MBOAT1: variants seen among roughly 807,000 people sequenced by gnomAD.
The protein encoded by MBOAT1 is membrane bound glycerophospholipid O-acyltransferase 1, also known as membrane-bound glycerophospholipid O-acyltransferase 1.
Under a neutral mutation model 64.4 loss-of-function variants are expected in MBOAT1, and 67 were observed. The ratio of observed to expected loss-of-function variants is 1.04; its 90% confidence interval spans 0.85 to 1.27. The LOEUF (loss-of-function observed/expected upper bound fraction) is 1.27, where lower values mean the gene tolerates loss of function less well. Ranked by LOEUF, MBOAT1 falls within the 50% of genes most tolerant of loss-of-function variation. MBOAT1 has a pLI of 0.00. For synonymous variants in MBOAT1, 229 were observed against 218.9 expected, an observed-to-expected ratio of 1.05 and a Z score of -0.41; for missense variants, 563 against 604.6, an observed-to-expected ratio of 0.93 and a Z score of 0.72.
At chr6:20,184,355 G>A (rs1036091199) in intron 1 of MBOAT1, among the ~76,000 whole-genome samples, 3 of 152,114 alleles carry the variant, frequency 2.0e-5, no homozygotes, top group African/African-American at 4.8e-5. Context: ...GGGGACAGGT[G>A]GAGGACGGGA....
chr6:20,107,959 G>A (rs967656187), intron 12 of MBOAT1, among the ~76,000 whole-genome samples: 1 of 152,164 alleles, frequency 6.6e-6, no homozygotes, highest in African/African-American at 2.4e-5. Flanking sequence ...AAGGGCAAAT[G>A]TTGGCTTGAG....
intron 1 of MBOAT1, 89 bp downstream of exon 1, chr6:20,212,047 G>A: frequency 8.7e-7 from 1 of 1,154,444 alleles, no homozygotes; most frequent in Non-Finnish European, 1.3e-6. Context: ...ACGCCATGGA[G>A]GCGGAGGGAC....
intron 9 of MBOAT1, 30 bp downstream of exon 9, chr6:20,118,407 T>C (rs370702466): frequency 6.5e-7 from 1 of 1,533,128 alleles, no homozygotes; most frequent in South Asian, 1.1e-5. Flanking sequence ...TTCTTCACTA[T>C]GGAAGTTGGA....
chr6:20,181,461 G>A lies in MBOAT1; in HGVS notation c.100-28692C>T, dbSNP rs140447847. ...TCTATTTTCTCCTGCTGGCCTTTGC[G>A]TCCATCTGTTTTCTTCTTTCTTGAA... On this transcript the variant is annotated intron_variant, in intron 1 of 12. Transcript: ENST00000324607. Among the ~76,000 whole-genome samples, 103 of 151,728 alleles carry A rather than the reference G, an allele frequency of 6.8e-4. 1 individual carries two copies. In the East Asian group the frequency reaches 8.0e-3, roughly 12 times the overall value.
intron 1 of MBOAT1, among the ~76,000 whole-genome samples, chr6:20,198,544 T>C (rs1022979976): frequency 3.3e-5 from 5 of 152,248 alleles, no homozygotes; most frequent in Non-Finnish European, 5.9e-5. Context: ...TTGTGACTTT[T>C]CTTAGTCAAT....
At chr6:20,131,029 TA>T in intron 5 of MBOAT1, 114 bp downstream of exon 5, 1 of 912,790 alleles carries the variant, frequency 1.1e-6, no homozygotes, top group East Asian at 2.5e-5. Flanking sequence ...TTGAACAAGA[TA>T]AAGCAAGATC....
intron 11 of MBOAT1, 39 bp from the exon 12 acceptor site, chr6:20,109,788 G>A: frequency 6.3e-7 from 1 of 1,582,184 alleles, no homozygotes; most frequent in Non-Finnish European, 8.6e-7. Flanking sequence ...AGGAGGGGGT[G>A]AAAAACAAAT....
chr6:20,177,318 G>A (rs1188310801), intron 1 of MBOAT1, among the ~76,000 whole-genome samples: 3 of 152,088 alleles, frequency 2.0e-5, no homozygotes, highest in Non-Finnish European at 2.9e-5. Context: ...CCGCAGATAC[G>A]GACAATAAAG....
intron 4 of MBOAT1, among the ~76,000 whole-genome samples, chr6:20,133,179 G>A (rs1038608104): frequency 2.0e-5 from 3 of 152,186 alleles, no homozygotes; most frequent in African/African-American, 7.2e-5. Context: ...TTGTACATGA[G>A]GCTGAGAGAG....
At chr6:20,139,361 C>G (rs1248615271) in intron 4 of MBOAT1, among the ~76,000 whole-genome samples, 1 of 152,068 alleles carries the variant, frequency 6.6e-6, no homozygotes, top group Non-Finnish European at 1.5e-5. Flanking sequence ...CTCCAAGTCT[C>G]CCAAAGTGCT....
intron 2 of MBOAT1, 62 bp downstream of exon 2, chr6:20,152,562 C>T: frequency 6.5e-7 from 1 of 1,533,606 alleles, no homozygotes. Flanking sequence ...AGTGCAATTC[C>T]AAGGACATTG....
At chr6:20,141,914 C>T (rs1263900998) in intron 4 of MBOAT1, among the ~76,000 whole-genome samples, 1 of 152,130 alleles carries the variant, frequency 6.6e-6, no homozygotes, top group African/African-American at 2.4e-5. Context: ...CTGGTACCTC[C>T]ACAGGCACCT....
At chr6:20,175,549 C>T (rs112034519) in intron 1 of MBOAT1, among the ~76,000 whole-genome samples, 16,657 of 151,998 alleles carry the variant, frequency 0.11, 916 homozygotes, top group Middle Eastern at 0.2. Flanking sequence ...TGGGTTCAAG[C>T]GATTCTCCTG....
chr6:20,201,136 C>T (rs979559859), intron 1 of MBOAT1, among the ~76,000 whole-genome samples: 1 of 152,180 alleles, frequency 6.6e-6, no homozygotes, highest in East Asian at 1.9e-4. Context: ...TTGGACTTAT[C>T]TGAGTTATTC....
At chr6:20,179,003 G>A (rs917215273) in intron 1 of MBOAT1, among the ~76,000 whole-genome samples, 7 of 151,734 alleles carry the variant, frequency 4.6e-5, no homozygotes, top group South Asian at 4.1e-4. Context: ...ATAGGCAAAC[G>A]TGTGCCATGG....
chr6:20,210,402 G>A (rs1763384669), intron 1 of MBOAT1, among the ~76,000 whole-genome samples: 2 of 152,162 alleles, frequency 1.3e-5, no homozygotes, highest in African/African-American at 2.4e-5. Flanking sequence ...ATGGTTTGGG[G>A]ATTTTCCTTG....
rs149899829 is a variant in MBOAT1, at chr6:20,144,255, G to T, written c.384C>A (p.Ile128=). 6.2e-6 allele frequency: 10 copies of T among 1,612,934 alleles called. No homozygotes were observed. The African/African-American group carries it at 1.1e-4, about 17-fold the overall frequency. ...CCGTAGTGAGAATTCCATAGTGGAA[G>T]ATGTATATTCGGCTGATGTGGCATA... is the stretch of plus-strand genomic sequence containing the variant. ...LTICHISRIY[I]FHYGILTTDF... is the part of the protein sequence containing the mutation. The change falls in exon 4 of 13, where the codon ATC becomes ATA. Residue 128 remains isoleucine (I), a synonymous_variant. Transcript: ENST00000324607.
chr6:20,125,171 T>A lies in MBOAT1; in HGVS notation c.715-571A>T, dbSNP rs138630546. ...TTAATTATGTGCTGACTTTTTAAAT[T>A]CCTCTGGACAGAGTGATTTTGCCTA... is the stretch of plus-strand genomic sequence containing the variant. On this transcript the variant is annotated intron_variant, in intron 7 of 12. Transcript: ENST00000324607. 8.5e-5 allele frequency among the ~76,000 whole-genome samples: 13 copies of A among 152,260 alleles called. No homozygotes were observed. In the East Asian group the frequency reaches 2.5e-3, roughly 29 times the overall value.
chr6:20,205,181 A>G (rs1400285453), intron 1 of MBOAT1, among the ~76,000 whole-genome samples: 1 of 152,140 alleles, frequency 6.6e-6, no homozygotes. Context: ...CCTAGGCAAC[A>G]GAGTGAGATC....
Sources: gnomAD v4.1 joint callset for allele counts (sites outside exome capture counted in the v4.1 genomes callset) on GRCh38, gnomAD v4.1.1 for gene constraint, MANE v1.5 for transcripts, NCBI Gene and HGNC (gene_info 2026-07-23, HGNC 2026-07-21) for gene names.